The following GINS1 variants were observed in gnomAD, a reference collection of about 807,000 sequenced individuals.
GINS1 encodes GINS complex subunit 1.
GINS1 carries 26 observed loss-of-function variants against 34.9 expected under a neutral mutation model. The observed-to-expected ratio is 0.74, with a 90% CI of 0.55 to 1.03. GINS1 has a LOEUF of 1.03. Ranked by LOEUF, GINS1 falls within the 50% of genes least tolerant of loss-of-function variation. GINS1 has a pLI of 0.00. For missense variants in GINS1, 235 were observed against 237.9 expected (o/e 0.99, Z 0.08); for synonymous variants, 97 against 84.4 (o/e 1.15, Z -0.82).
chr20:25,409,193 T>C (rs891734115), intron 1 of GINS1, among the ~76,000 whole-genome samples: 3 of 152,204 alleles, frequency 2.0e-5, no homozygotes, highest in Non-Finnish European at 4.4e-5. Context: ...CATGAATTTG[T>C]TGTTCACTTA....
At chr20:25,417,496 A>C (rs2090328653) in intron 3 of GINS1, among the ~76,000 whole-genome samples, 2 of 152,060 alleles carry the variant, frequency 1.3e-5, no homozygotes, top group African/African-American at 4.8e-5. Context: ...CACACTATTT[A>C]AGTGCATCAC....
At chr20:25,437,535 C>T (rs1407486292) in intron 5 of GINS1, among the ~76,000 whole-genome samples, 1 of 152,150 alleles carries the variant, frequency 6.6e-6, no homozygotes, top group Admixed American at 6.5e-5. Context: ...AAAATACTGA[C>T]GTCAGACAGA....
chr20:25,429,986 C>T (rs1386945879), intron 5 of GINS1, among the ~76,000 whole-genome samples: 2 of 152,176 alleles, frequency 1.3e-5, no homozygotes, highest in South Asian at 4.1e-4. Flanking sequence ...AATCTCAGCT[C>T]ACTTCAACGT....
At chr20:25,445,877 C>A in intron 6 of GINS1, 46 bp from the exon 7 acceptor site, 1 of 1,129,868 alleles carries the variant, frequency 8.9e-7, no homozygotes, top group Non-Finnish European at 1.3e-6. Flanking sequence ...AAATTCTTTC[C>A]CAATCATTTA....
At chr20:25,437,873 C>T (rs1239580594) in intron 5 of GINS1, among the ~76,000 whole-genome samples, 4 of 152,212 alleles carry the variant, frequency 2.6e-5, no homozygotes, top group Admixed American at 2.6e-4. Flanking sequence ...AATCCCAGCA[C>T]TTTGGGAGGC....
intron 5 of GINS1, among the ~76,000 whole-genome samples, chr20:25,425,840 A>G (rs1245913117): frequency 6.6e-6 from 1 of 152,202 alleles, no homozygotes; most frequent in African/African-American, 2.4e-5. Flanking sequence ...TAAATAATAA[A>G]ATACATATAA....
intron 4 of GINS1, 77 bp from the exon 5 acceptor site, chr20:25,425,134 C>T (rs1269330951): frequency 1.4e-6 from 1 of 709,078 alleles, no homozygotes; most frequent in Non-Finnish European, 2.6e-6. Flanking sequence ...GGGATGTGTA[C>T]TGTTTTCGAA....
At chr20:25,436,885 C>T (rs2090457384) in intron 5 of GINS1, among the ~76,000 whole-genome samples, 1 of 152,090 alleles carries the variant, frequency 6.6e-6, no homozygotes, top group Non-Finnish European at 1.5e-5. Context: ...ATTGTTTTTG[C>T]TGAAAACCAG....
chr20:25,431,270 G>T (rs1297088999), intron 5 of GINS1, among the ~76,000 whole-genome samples: 5 of 152,060 alleles, frequency 3.3e-5, no homozygotes, highest in African/African-American at 9.7e-5. Flanking sequence ...TTTCATTTTT[G>T]ATTTTAGTAA....
chr20:25,438,512 C>CTTTT (rs35305107), intron 5 of GINS1, among the ~76,000 whole-genome samples: 3 of 67,986 alleles, frequency 4.4e-5, no homozygotes, highest in Admixed American at 1.7e-4. Flanking sequence ...AAGAACAACA[C>CTTTT]TTTTTTTTTT....
chr20:25,425,041 G>A (rs2090382665), intron 4 of GINS1, among the ~76,000 whole-genome samples, 170 bp from the exon 5 acceptor site: 1 of 152,144 alleles, frequency 6.6e-6, no homozygotes, highest in Non-Finnish European at 1.5e-5. Context: ...TTCATTGTAA[G>A]TACCCAGACC....
chr20:25,415,453 C>T (rs952441951), intron 2 of GINS1, among the ~76,000 whole-genome samples: 6 of 152,092 alleles, frequency 3.9e-5, no homozygotes, highest in Non-Finnish European at 5.9e-5. Flanking sequence ...TTTGGGAGGC[C>T]GAGGCGGGTG....
At chr20:25,437,403 C>A (rs1302299845) in intron 5 of GINS1, among the ~76,000 whole-genome samples, 1 of 152,262 alleles carries the variant, frequency 6.6e-6, no homozygotes, top group East Asian at 1.9e-4. Context: ...CTGTGGCCTG[C>A]CACAAAGCTA....
intron 1 of GINS1, among the ~76,000 whole-genome samples, chr20:25,413,070 T>C (rs1034697572): frequency 6.6e-5 from 10 of 152,118 alleles, no homozygotes; most frequent in African/African-American, 2.4e-4. Flanking sequence ...TTTTTTTTTT[T>C]TTCTTTGAGA....
At chr20:25,415,748 C>G (rs2146193092) in intron 2 of GINS1, among the ~76,000 whole-genome samples, 1 of 149,696 alleles carries the variant, frequency 6.7e-6, no homozygotes, top group Non-Finnish European at 1.5e-5. Context: ...AGAAGACAGA[C>G]ATGAAATATA....
At chr20:25,414,915 G>A (rs2146191710) in intron 2 of GINS1, among the ~76,000 whole-genome samples, 1 of 152,288 alleles carries the variant, frequency 6.6e-6, no homozygotes, top group African/African-American at 2.4e-5. Context: ...GGTCCAGAGA[G>A]GTGACTAGAT....
intron 5 of GINS1, among the ~76,000 whole-genome samples, chr20:25,431,786 G>A (rs568695752): frequency 6.6e-6 from 1 of 151,892 alleles, no homozygotes; most frequent in African/African-American, 2.4e-5. Context: ...TGTCCAGGCT[G>A]GTCTTGAACT....
chr20:25,443,980 T>TTATCATCTATCTATC (rs2090496875), intron 6 of GINS1, among the ~76,000 whole-genome samples: 3 of 142,802 alleles, frequency 2.1e-5, no homozygotes, highest in African/African-American at 5.3e-5. Flanking sequence ...TAGGAAACAT[T>TTATCATCTATCTATC]TATCTATCTA....
At chr20:25,443,724 C>T (rs1206066641) in intron 6 of GINS1, among the ~76,000 whole-genome samples, 2 of 151,796 alleles carry the variant, frequency 1.3e-5, no homozygotes, top group African/African-American at 2.4e-5. Flanking sequence ...TTAGGTAATC[C>T]GCCCACCTCA....
Sources: gnomAD v4.1 joint callset for allele counts (sites outside exome capture counted in the v4.1 genomes callset) on GRCh38, gnomAD v4.1.1 for gene constraint, MANE v1.5 for transcripts, NCBI Gene and HGNC (gene_info 2026-07-23, HGNC 2026-07-21) for gene names.